Variants in CFAP97D2 observed in about 807,000 individuals in gnomAD.
CFAP97D2 encodes uncharacterized protein CFAP97D2.
intron 2 of CFAP97D2, among the ~76,000 whole-genome samples, chr13:114,198,352 T>G (rs776857448): frequency 7.9e-5 from 12 of 152,202 alleles, no homozygotes; most frequent in Non-Finnish European, 1.8e-4. Flanking sequence ...TGAAGCCGAG[T>G]AACCAGTCTC....
rs1166266692 is a variant in CFAP97D2, at chr13:114,189,365, T to C, written c.91-7031T>C. ...TAATTAAACTTCCAAAACAGAACACTGGGCCCAGATGGGTTCATTGGCAAA... is the reference window on the plus strand; with the variant it reads ...TAATTAAACTTCCAAAACAGAACACCGGGCCCAGATGGGTTCATTGGCAAA... On this transcript the variant is annotated intron_variant, in intron 1 of 4. Transcript: ENST00000646158. This position sits in a 1 kb window ranked among gnomAD's most constrained non-coding sequence, Gnocchi z 4.5. Among the ~76,000 whole-genome samples, 1 of 152,104 alleles carries C rather than the reference T, an allele frequency of 6.6e-6. No homozygotes were observed. The highest frequency in any genetic ancestry group is 1.5e-5 in the Non-Finnish European group (1 of 68,024).
chr13:114,202,169 A>C (rs2080921100), intron 3 of CFAP97D2, among the ~76,000 whole-genome samples: 1 of 152,194 alleles, frequency 6.6e-6, no homozygotes, highest in Non-Finnish European at 1.5e-5. Flanking sequence ...CATCGTACGG[A>C]TCTATCACAA....
In CFAP97D2 at chr13:114,185,483, T is replaced by C. The variant is rs1003738803; in HGVS notation, c.90+6063T>C. 6.6e-6 allele frequency among the ~76,000 whole-genome samples: 1 copy of C among 152,076 alleles called. No individual in the cohort carries two copies. Among genetic ancestry groups the C allele is most frequent in the African/African-American group, 2.4e-5 (1 of 41,398 alleles). ...GAGTGGGAGCCCCACCCCTTCTGAG[T>C]TGGCATGTCAGGAGCTCCCTGGGTA... On this transcript the variant is annotated intron_variant, in intron 1 of 4. Coordinates refer to ENST00000646158, the Ensembl canonical transcript of CFAP97D2. The surrounding 1 kb of genome is among the most constrained non-coding windows in gnomAD (Gnocchi z 5.2).
At chr13:114,190,384 C>A (rs1162734463) in intron 1 of CFAP97D2, among the ~76,000 whole-genome samples, 1 of 143,564 alleles carries the variant, frequency 7.0e-6, no homozygotes, top group South Asian at 2.3e-4. Flanking sequence ...ATGACATGAT[C>A]ATCTATGTAG....
At chr13:114,188,305 A>G (rs2080858002) in intron 1 of CFAP97D2, among the ~76,000 whole-genome samples, 1 of 151,814 alleles carries the variant, frequency 6.6e-6, no homozygotes. Context: ...TAGGTCAAAG[A>G]AGAAATTTCA....
At chr13:114,208,452 A>G (rs1034033938) in intron 3 of CFAP97D2, among the ~76,000 whole-genome samples, 1 of 152,202 alleles carries the variant, frequency 6.6e-6, no homozygotes. Context: ...TAATTCTTTA[A>G]CCATGACAAA....
At position 114,203,733 on chromosome 13, in the gene CFAP97D2, G is replaced by A. The variant is rs1050761129; in HGVS notation, c.290+3290G>A. Among the ~76,000 whole-genome samples, 11 of 152,168 alleles carry A rather than the reference G, an allele frequency of 7.2e-5. No homozygotes were observed. The highest frequency in any genetic ancestry group is 1.5e-4 in the Non-Finnish European group (10 of 68,012). ...AAGAGGCCAGGCTCCTCCCCTGCCCGTGGCTTCACCCGTTTCCCCAGTGCG... is the reference window on the plus strand; with the variant it reads ...AAGAGGCCAGGCTCCTCCCCTGCCCATGGCTTCACCCGTTTCCCCAGTGCG... On this transcript the variant is annotated intron_variant, in intron 3 of 4. Coordinates refer to ENST00000646158, the Ensembl canonical transcript of CFAP97D2. The surrounding 1 kb of genome is among the most constrained non-coding windows in gnomAD (Gnocchi z 4.3).
At chr13:114,182,221 G>A (rs2080836400) in intron 1 of CFAP97D2, among the ~76,000 whole-genome samples, 2 of 150,250 alleles carry the variant, frequency 1.3e-5, no homozygotes, top group Admixed American at 6.6e-5. Context: ...AAGGTACTAT[G>A]CCTGGATGTG....
intron 1 of CFAP97D2, among the ~76,000 whole-genome samples, chr13:114,193,439 G>C (rs1461520113): frequency 6.6e-6 from 1 of 152,118 alleles, no homozygotes. Flanking sequence ...CCAAAATCAA[G>C]GCACTGGCAG....
chr13:114,182,322 C>A (rs550374227), intron 1 of CFAP97D2, among the ~76,000 whole-genome samples: 123 of 152,288 alleles, frequency 8.1e-4, no homozygotes, highest in African/African-American at 2.9e-3. Flanking sequence ...TGTCTCGCCT[C>A]CCGCCATAGG....
intron 1 of CFAP97D2, among the ~76,000 whole-genome samples, chr13:114,184,534 C>T (rs1054727896): frequency 5.3e-5 from 8 of 152,206 alleles, no homozygotes; most frequent in East Asian, 1.9e-4. Context: ...GAGAATGACA[C>T]GCTCACCTCC....
In CFAP97D2 at chr13:114,186,705, T is replaced by C. The variant is rs73570900; in HGVS notation, c.90+7285T>C. Reference sequence around the variant, plus strand: ...CCCAGTGCCAACTATGGAAGCTTCTTGCAGTATGCCTGGTCCAGGCACAGC... The same window carrying C: ...CCCAGTGCCAACTATGGAAGCTTCTCGCAGTATGCCTGGTCCAGGCACAGC... On this transcript the variant is annotated intron_variant, in intron 1 of 4. Coordinates refer to ENST00000646158, the Ensembl canonical transcript of CFAP97D2. The surrounding 1 kb of genome is among the most constrained non-coding windows in gnomAD (Gnocchi z 4.3). 0.079 allele frequency among the ~76,000 whole-genome samples: 12,000 copies of C among 152,302 alleles called. 843 individuals carry two copies. Among genetic ancestry groups the C allele is most frequent in the African/African-American group, 0.2 (8,117 of 41,560 alleles).
chr13:114,184,976 A>T (rs2080849583), intron 1 of CFAP97D2, among the ~76,000 whole-genome samples: 1 of 152,260 alleles, frequency 6.6e-6, no homozygotes, highest in South Asian at 2.1e-4. Flanking sequence ...AGTGAAACGA[A>T]TAAGCAGCCA....
intron 3 of CFAP97D2, among the ~76,000 whole-genome samples, chr13:114,206,415 T>A (rs971870760): frequency 2.6e-5 from 4 of 152,206 alleles, no homozygotes; most frequent in African/African-American, 7.2e-5. Flanking sequence ...TAGCTTTTTT[T>A]AAATAAATGT....
Position 114,211,417 on chromosome 13 carries a change from G to A in CFAP97D2, c.291-495G>A, listed in dbSNP as rs1489303446. 2.6e-5 allele frequency among the ~76,000 whole-genome samples: 4 copies of A among 152,194 alleles called. No homozygotes were observed. Among genetic ancestry groups the A allele is most frequent in the Non-Finnish European group, 5.9e-5 (4 of 68,030 alleles). ...TGGCTCCACACTGTCTTCCACATGT[G>A]CCAGACTCTGTGCACTGCTAGACCC... is the stretch of plus-strand genomic sequence containing the variant. On this transcript the variant is annotated intron_variant, in intron 3 of 4. Transcript: ENST00000646158. This position sits in a 1 kb window ranked among gnomAD's most constrained non-coding sequence, Gnocchi z 4.2.
At chr13:114,195,641 C>T (rs1184101243) in intron 1 of CFAP97D2, among the ~76,000 whole-genome samples, 1 of 152,140 alleles carries the variant, frequency 6.6e-6, no homozygotes, top group Non-Finnish European at 1.5e-5. Flanking sequence ...TAAATGTTTC[C>T]CTTATTTGTA....
At chr13:114,181,695 A>G (rs1224446790) in intron 1 of CFAP97D2, among the ~76,000 whole-genome samples, 1 of 152,198 alleles carries the variant, frequency 6.6e-6, no homozygotes, top group Admixed American at 6.5e-5. Flanking sequence ...TTGGCTGAGA[A>G]TCTCTGAAAC....
chr13:114,182,571 G>A (rs1487124251), intron 1 of CFAP97D2, among the ~76,000 whole-genome samples: 1 of 152,122 alleles, frequency 6.6e-6, no homozygotes, highest in African/African-American at 2.4e-5. Flanking sequence ...AGAAACCTTG[G>A]ACAATACCCC....
At position 114,211,983 on chromosome 13, in the gene CFAP97D2, C is replaced by T; in HGVS notation, c.362C>T (p.Ser121Leu). 2.5e-6 allele frequency: 1 copy of T among 398,798 alleles called. No homozygotes were observed. Among genetic ancestry groups the T allele is most frequent in the Non-Finnish European group, 4.4e-6 (1 of 226,188 alleles). 24.7% of individuals were successfully genotyped at this position (398,798 alleles called of 1,614,324 possible). Residue 121 changes from serine to leucine, a missense_variant, in exon 4 of 5, where the codon TCA (serine) becomes TTA (leucine). Ser to Leu is a moderately radical substitution (Grantham distance 145, BLOSUM62 -2). Transcript: ENST00000646158. This position sits in a 1 kb window ranked among gnomAD's most constrained non-coding sequence, Gnocchi z 4.2. ...AAAACACGGCCATTCTGGAAGGAATCACACACTCAGAACCATGGTATGGAG... is the reference window on the plus strand; with the variant it reads ...AAAACACGGCCATTCTGGAAGGAATTACACACTCAGAACCATGGTATGGAG...
Sources: allele counts gnomAD v4.1 joint callset (sites outside exome capture counted in the v4.1 genomes callset), GRCh38; gene constraint gnomAD v4.1.1; non-coding constraint Gnocchi (gnomAD v3.1); transcripts MANE v1.5; gene names NCBI Gene and HGNC (gene_info 2026-07-23, HGNC 2026-07-21).